The following VPS13B variants were observed in gnomAD, a reference collection of about 807,000 sequenced individuals.
VPS13B encodes the protein intermembrane lipid transfer protein VPS13B.
VPS13B carries 285 observed loss-of-function variants against 426.4 expected under a neutral mutation model. The observed-to-expected ratio is 0.67, with a 90% CI of 0.61 to 0.74. The LOEUF is 0.74. Among genes scored for constraint, VPS13B ranks in the 30% least tolerant of loss-of-function variants. The pLI is 0.00. For synonymous variants in VPS13B, 1,676 were observed against 1,676.4 expected (o/e 1.00, Z 0.01); for missense variants, 4,537 against 4,782.6 (o/e 0.95, Z 1.51).
chr8:99,267,698 GCC>G, intron 17 of VPS13B, among the ~76,000 whole-genome samples: 1 of 151,328 alleles, frequency 6.6e-6, no homozygotes, highest in South Asian at 2.1e-4. Flanking sequence ...CTGCACTCCA[GCC>G]TGGCGACAGA....
At chr8:99,629,805 A>G (rs896662719) in intron 33 of VPS13B, among the ~76,000 whole-genome samples, 2 of 152,190 alleles carry the variant, frequency 1.3e-5, no homozygotes, top group Non-Finnish European at 2.9e-5. Flanking sequence ...GAGGCCTACT[A>G]GTTTACATAT....
At chr8:99,709,252 T>C (rs991127960) in intron 36 of VPS13B, among the ~76,000 whole-genome samples, 2 of 152,222 alleles carry the variant, frequency 1.3e-5, no homozygotes, top group East Asian at 1.9e-4. Context: ...AATGTCATCA[T>C]TGACTACTCT....
At chr8:99,311,425 A>G (rs180709540) in intron 19 of VPS13B, among the ~76,000 whole-genome samples, 16 of 152,108 alleles carry the variant, frequency 1.1e-4, no homozygotes, top group African/African-American at 1.7e-4. Flanking sequence ...ATTTCGTTAT[A>G]TACCCAGTAG....
intron 30 of VPS13B, among the ~76,000 whole-genome samples, chr8:99,550,365 A>G (rs1824215978): frequency 6.6e-6 from 1 of 151,966 alleles, no homozygotes; most frequent in Non-Finnish European, 1.5e-5. Context: ...TATTAATAGA[A>G]ATATCTTCTA....
At chr8:99,542,918 A>G (rs373923580) in intron 30 of VPS13B, among the ~76,000 whole-genome samples, 4 of 152,222 alleles carry the variant, frequency 2.6e-5, no homozygotes, top group Admixed American at 2.0e-4. Flanking sequence ...TGCCATCCCA[A>G]TCAAGCTACC....
chr8:99,875,695 G>A lies in VPS13B; in HGVS notation c.*29G>A. 6.3e-7 allele frequency: 1 copy of A among 1,584,128 alleles called. No individual in the cohort carries two copies. Among genetic ancestry groups the A allele is most frequent in the Non-Finnish European group, 8.6e-7 (1 of 1,156,456 alleles). ...CCCTCTGAGGTGTTTATTCCTGCTTGTGTGATTTAGTTTTTGGGTTTCTTT... is the reference window on the plus strand; with the variant it reads ...CCCTCTGAGGTGTTTATTCCTGCTTATGTGATTTAGTTTTTGGGTTTCTTT... On this transcript the variant is annotated 3_prime_UTR_variant, in exon 62 of 62. Coordinates refer to ENST00000357162, the MANE Select transcript of VPS13B (RefSeq NM_152564.5).
intron 3 of VPS13B, among the ~76,000 whole-genome samples, chr8:99,083,365 A>G (rs965377791): frequency 6.6e-5 from 10 of 152,286 alleles, no homozygotes; most frequent in Middle Eastern, 3.4e-3. Context: ...GGGTGAGACG[A>G]TGGGGTTTTC....
chr8:99,103,477 A>G (rs1338685910), intron 5 of VPS13B, among the ~76,000 whole-genome samples: 2 of 137,666 alleles, frequency 1.5e-5, no homozygotes, highest in Non-Finnish European at 3.0e-5. Context: ...CTACAGGCAC[A>G]TGCTGCTATG....
intron 37 of VPS13B, among the ~76,000 whole-genome samples, chr8:99,718,043 G>A (rs1832991326): frequency 6.6e-6 from 1 of 151,934 alleles, no homozygotes; most frequent in African/African-American, 2.4e-5. Context: ...TATATAACTA[G>A]GAGTGGAATT....
At chr8:99,754,182 A>G (rs1478642028) in intron 39 of VPS13B, among the ~76,000 whole-genome samples, 3 of 151,030 alleles carry the variant, frequency 2.0e-5, no homozygotes, top group Non-Finnish European at 2.9e-5. Context: ...GCAGATACAT[A>G]TAAAAAGAAA....
At chr8:99,684,908 A>G (rs541761899) in intron 35 of VPS13B, among the ~76,000 whole-genome samples, 37 of 152,258 alleles carry the variant, frequency 2.4e-4, no homozygotes, top group African/African-American at 8.4e-4. Flanking sequence ...GGTTCAAGCA[A>G]TTCTCTGCCT....
At chr8:99,818,616 A>G in intron 46 of VPS13B, 82 bp downstream of exon 46, 1 of 1,602,642 alleles carries the variant, frequency 6.2e-7, no homozygotes, top group Non-Finnish European at 8.5e-7. Context: ...AGAGTGACCC[A>G]GGGAAGAGAT....
chr8:99,483,021 C>T (rs942228266), intron 25 of VPS13B, among the ~76,000 whole-genome samples: 1 of 151,956 alleles, frequency 6.6e-6, no homozygotes, highest in Admixed American at 6.6e-5. Context: ...ATAAAGACAC[C>T]ATTTCCTCTG....
chr8:99,714,379 G>A (rs750461077), intron 36 of VPS13B, among the ~76,000 whole-genome samples: 1 of 152,094 alleles, frequency 6.6e-6, no homozygotes, highest in East Asian at 1.9e-4. Flanking sequence ...CGCTAGAAGG[G>A]ACAGCTCTAA....
chr8:99,159,055 A>G (rs1811508936), intron 15 of VPS13B, among the ~76,000 whole-genome samples: 1 of 152,234 alleles, frequency 6.6e-6, no homozygotes, highest in African/African-American at 2.4e-5. Context: ...AGGTCAATCT[A>G]TTTACATTAA....
intron 31 of VPS13B, among the ~76,000 whole-genome samples, chr8:99,557,356 C>T (rs1182140436): frequency 2.0e-5 from 3 of 151,618 alleles, no homozygotes; most frequent in African/African-American, 7.3e-5. Context: ...TTTGCATTCT[C>T]ATAGCTTACC....
intron 50 of VPS13B, among the ~76,000 whole-genome samples, chr8:99,822,927 A>T (rs1032385795): frequency 1.3e-5 from 2 of 152,194 alleles, no homozygotes; most frequent in African/African-American, 4.8e-5. Flanking sequence ...GATTAATAGC[A>T]TCTTACTATT....
chr8:99,760,888 A>G (rs1810894687), intron 39 of VPS13B, among the ~76,000 whole-genome samples: 1 of 152,210 alleles, frequency 6.6e-6, no homozygotes, highest in Non-Finnish European at 1.5e-5. Flanking sequence ...TATCATGAGG[A>G]ATCTGGAGAT....
rs776290708 is a variant in VPS13B, at chr8:99,111,290, C to CA, written c.762+11_762+12insA. On this transcript the variant is annotated intron_variant, in intron 6 of 61. Transcript: ENST00000357162. ...CCATCTGTTATTAAAGTAGGTATCT[C>CA]TTTTTTTTGCAGTTAAGTTGCATGT... 3.8e-6 allele frequency: 6 copies of CA among 1,588,502 alleles called. No homozygotes were observed. Among genetic ancestry groups the CA allele is most frequent in the Non-Finnish European group, 3.4e-6 (4 of 1,167,436 alleles).
Sources: gnomAD v4.1 joint callset for allele counts (sites outside exome capture counted in the v4.1 genomes callset) on GRCh38, gnomAD v4.1.1 for gene constraint, MANE v1.5 for transcripts, NCBI Gene and HGNC (gene_info 2026-07-23, HGNC 2026-07-21) for gene names.